IQGAP2: variants seen among roughly 807,000 people sequenced by gnomAD.
The protein encoded by IQGAP2 is IQ motif containing GTPase activating protein 2, also known as ras GTPase-activating-like protein IQGAP2.
Under a neutral mutation model 201.3 loss-of-function variants are expected in IQGAP2, and 173 were observed. The observed-to-expected ratio is 0.86, with a 90% confidence interval of 0.76 to 0.98. The LOEUF (loss-of-function observed/expected upper bound fraction) is 0.98, where lower values mean the gene tolerates loss of function less well. Among genes scored for constraint, IQGAP2 ranks in the 50% least tolerant of loss-of-function variants. The probability of loss-of-function intolerance (pLI) is 0.00; values close to 1 mark genes in which losing one functional copy is unlikely to be tolerated. For missense variants in IQGAP2, 1,687 were observed against 1,864.8 expected (o/e 0.90, Z 1.76); for synonymous variants, 675 against 673.9 (o/e 1.00, Z -0.03).
chr5:76,658,373 A>G (rs1016734727), intron 20 of IQGAP2, 86 bp from the exon 21 acceptor site: 3 of 1,082,850 alleles, frequency 2.8e-6, no homozygotes, highest in Non-Finnish European at 4.2e-6. Flanking sequence ...ATATTTTTCT[A>G]GTAATTATTT....
At chr5:76,515,231 G>A (rs182098873) in intron 2 of IQGAP2, among the ~76,000 whole-genome samples, 417 of 152,200 alleles carry the variant, frequency 2.7e-3, no homozygotes, top group African/African-American at 9.2e-3. Context: ...CATGACAAAG[G>A]GTTGCCTTTA....
chr5:76,413,067 C>T (rs1286314764), intron 1 of IQGAP2, among the ~76,000 whole-genome samples: 1 of 150,920 alleles, frequency 6.6e-6, no homozygotes, highest in African/African-American at 2.5e-5. Flanking sequence ...TTACCTGTAT[C>T]CTTGTCTACC....
At chr5:76,410,891 T>G (rs1751070435) in intron 1 of IQGAP2, among the ~76,000 whole-genome samples, 1 of 152,252 alleles carries the variant, frequency 6.6e-6, no homozygotes, top group South Asian at 2.1e-4. Flanking sequence ...TACTAAGCTC[T>G]AATTGGACCT....
At chr5:76,460,841 C>T (rs1207194805) in intron 1 of IQGAP2, among the ~76,000 whole-genome samples, 3 of 147,628 alleles carry the variant, frequency 2.0e-5, no homozygotes, top group African/African-American at 5.0e-5. Flanking sequence ...CATGGAAGCT[C>T]CTGCCCGTTT....
intron 1 of IQGAP2, among the ~76,000 whole-genome samples, chr5:76,424,880 C>T (rs1222695175): frequency 1.3e-5 from 2 of 152,206 alleles, no homozygotes; most frequent in East Asian, 1.9e-4. Flanking sequence ...AAAGCACTCT[C>T]ACAGAGAGAG....
chr5:76,591,949 C>A (rs1746688486), intron 8 of IQGAP2, among the ~76,000 whole-genome samples: 1 of 152,144 alleles, frequency 6.6e-6, no homozygotes, highest in Admixed American at 6.5e-5. Context: ...CCCCCTGTGT[C>A]CCATGCATTG....
At chr5:76,676,824 G>A (rs1313858286) in intron 27 of IQGAP2, among the ~76,000 whole-genome samples, 4 of 152,332 alleles carry the variant, frequency 2.6e-5, no homozygotes, top group African/African-American at 7.2e-5. Context: ...CAGCAAATTT[G>A]ACTAATTGCT....
intron 28 of IQGAP2, among the ~76,000 whole-genome samples, chr5:76,679,105 T>C (rs1477544141): frequency 1.3e-5 from 2 of 152,256 alleles, no homozygotes; most frequent in African/African-American, 4.8e-5. Flanking sequence ...TCTGTTTTTG[T>C]GGTACATTAT....
intron 1 of IQGAP2, among the ~76,000 whole-genome samples, 188 bp from the exon 2 acceptor site, chr5:76,461,375 AAAAAAAT>A (rs1363334113): frequency 1.3e-5 from 2 of 149,072 alleles, no homozygotes; most frequent in South Asian, 2.1e-4. Context: ...CTCAAAAAAA[AAAAAAAT>A]AAAAATAAAG....
chr5:76,653,970 T>C (rs936592610), intron 18 of IQGAP2, among the ~76,000 whole-genome samples: 8 of 152,200 alleles, frequency 5.3e-5, no homozygotes, highest in Non-Finnish European at 8.8e-5. Context: ...CTTATTAAGG[T>C]GGTGAAATTT....
At chr5:76,545,032 T>C (rs1483325199) in intron 2 of IQGAP2, among the ~76,000 whole-genome samples, 1 of 151,792 alleles carries the variant, frequency 6.6e-6, no homozygotes, top group Admixed American at 6.6e-5. Context: ...TATATACATA[T>C]CTATAGTTTT....
At chr5:76,696,425 G>C (rs894683448) in intron 32 of IQGAP2, among the ~76,000 whole-genome samples, 2 of 152,286 alleles carry the variant, frequency 1.3e-5, no homozygotes, top group Non-Finnish European at 2.9e-5. Context: ...CCTGAGCAAA[G>C]GATCTCAACT....
chr5:76,541,437 T>C (rs1742763885), intron 2 of IQGAP2, among the ~76,000 whole-genome samples: 1 of 152,256 alleles, frequency 6.6e-6, no homozygotes, highest in East Asian at 1.9e-4. Context: ...CATCTGTTGC[T>C]GGGCACGTGA....
intron 17 of IQGAP2, among the ~76,000 whole-genome samples, chr5:76,647,310 T>C (rs979226103): frequency 6.6e-6 from 1 of 152,192 alleles, no homozygotes; most frequent in Non-Finnish European, 1.5e-5. Flanking sequence ...TTTTTGTTTA[T>C]ATTTTTCTGA....
chr5:76,487,291 G>T (rs1756221528), intron 2 of IQGAP2, among the ~76,000 whole-genome samples: 1 of 151,906 alleles, frequency 6.6e-6, no homozygotes, highest in African/African-American at 2.4e-5. Context: ...TCGAGACAGG[G>T]TTTCACCATG....
At chr5:76,655,915 A>G (rs1184994917) in intron 20 of IQGAP2, among the ~76,000 whole-genome samples, 1 of 152,228 alleles carries the variant, frequency 6.6e-6, no homozygotes, top group Non-Finnish European at 1.5e-5. Flanking sequence ...TATCACGGGA[A>G]CATGCACAGT....
Position 76,590,351 on chromosome 5 carries a change from G to A in IQGAP2, c.641-57G>A, listed in dbSNP as rs557286015. 4 of 1,382,970 alleles carry A rather than the reference G, an allele frequency of 2.9e-6. No homozygotes were observed. The African/African-American group carries it at 4.3e-5, about 15-fold the overall frequency. 85.7% of individuals were successfully genotyped at this position (1,382,970 alleles called of 1,614,324 possible). On this transcript the variant is annotated intron_variant, in intron 7 of 35. Transcript: ENST00000274364. The stretch of plus-strand genomic sequence containing the variant: ...GAGTTTACACAGGGTCAATGCAACT[G>A]TCCATGTTGTCTTTTGCTGATAAAA...
intron 15 of IQGAP2, among the ~76,000 whole-genome samples, chr5:76,633,083 C>G (rs1750838574): frequency 6.6e-6 from 1 of 152,158 alleles, no homozygotes; most frequent in Non-Finnish European, 1.5e-5. Context: ...AATGAGCTAT[C>G]CTAATTTCAA....
At chr5:76,471,939 A>G (rs1755136139) in intron 2 of IQGAP2, among the ~76,000 whole-genome samples, 1 of 152,242 alleles carries the variant, frequency 6.6e-6, no homozygotes, top group Admixed American at 6.5e-5. Context: ...AATAGTTTTC[A>G]TGTTTCCACT....
Sources: allele counts gnomAD v4.1 joint callset (sites outside exome capture counted in the v4.1 genomes callset), GRCh38; gene constraint gnomAD v4.1.1; transcripts MANE v1.5; gene names NCBI Gene and HGNC (gene_info 2026-07-23, HGNC 2026-07-21).